The following ATAD1 variants were observed in gnomAD, a reference collection of about 807,000 sequenced individuals.
ATAD1 encodes ATPase family AAA domain containing 1.
ATAD1 carries 18 observed loss-of-function variants against 42.7 expected under a neutral mutation model. The ratio of observed to expected loss-of-function variants is 0.42; its 90% CI spans 0.29 to 0.63. The LOEUF is 0.63. Ranked by LOEUF, ATAD1 falls within the 20% of genes least tolerant of loss-of-function variation. The pLI is 0.19. For missense variants in ATAD1, 294 were observed against 440.4 expected (o/e 0.67, Z 2.98); for synonymous variants, 132 against 143.1 (o/e 0.92, Z 0.55).
intron 1 of ATAD1, among the ~76,000 whole-genome samples, chr10:87,834,958 ATGT>A (rs1344198690): frequency 1.3e-5 from 2 of 151,818 alleles, no homozygotes; most frequent in Non-Finnish European, 2.9e-5. Flanking sequence ...AAATTTTCAT[ATGT>A]TGTGTTTTCA....
intron 1 of ATAD1, among the ~76,000 whole-genome samples, chr10:87,826,631 C>G (rs1857735299): frequency 6.6e-6 from 1 of 152,228 alleles, no homozygotes; most frequent in South Asian, 2.1e-4. Flanking sequence ...TTCCACATTA[C>G]AGTCCCTCCA....
intron 5 of ATAD1, among the ~76,000 whole-genome samples, chr10:87,779,003 A>C (rs1022895723): frequency 3.9e-5 from 6 of 152,198 alleles, no homozygotes; most frequent in Non-Finnish European, 5.9e-5. Context: ...ATCCATCAAA[A>C]ATAAATGTGT....
At chr10:87,825,463 C>T (rs1243440616) in intron 1 of ATAD1, among the ~76,000 whole-genome samples, 7 of 152,018 alleles carry the variant, frequency 4.6e-5, no homozygotes, top group African/African-American at 1.7e-4. Context: ...GCGCCCGCCA[C>T]CACACCCGGC....
chr10:87,800,178 T>A (rs536881804), intron 2 of ATAD1, among the ~76,000 whole-genome samples: 5 of 152,036 alleles, frequency 3.3e-5, no homozygotes, highest in Non-Finnish European at 7.4e-5. Context: ...GTAAAAAAAA[T>A]TATGTCTATA....
At chr10:87,761,523 T>C (rs1324971359) in intron 8 of ATAD1, among the ~76,000 whole-genome samples, 1 of 151,836 alleles carries the variant, frequency 6.6e-6, no homozygotes, top group East Asian at 1.9e-4. Flanking sequence ...ATTCGCTGGG[T>C]GTGGTGCATG....
At chr10:87,779,705 A>G (rs2131857578) in intron 5 of ATAD1, among the ~76,000 whole-genome samples, 1 of 152,380 alleles carries the variant, frequency 6.6e-6, no homozygotes, top group East Asian at 1.9e-4. Context: ...ATGACAAATA[A>G]GCACATGAAA....
rs1173014561 is a variant in ATAD1, at chr10:87,753,928, T to G, written c.*759A>C. The G allele has an allele frequency of 2.6e-5, 4 of 152,422 alleles. No individual in the cohort carries two copies. The highest frequency in any genetic ancestry group is 9.6e-5 in the African/African-American group (4 of 41,462). The allele number at this position is 152,422 out of a possible 1,614,324, so 9.4% of individuals were successfully genotyped here. A position where few individuals can be genotyped will look rare whatever the true frequency, so the allele number is the denominator to read the frequency against. On this transcript the variant is annotated 3_prime_UTR_variant, in exon 10 of 10. Transcript: ENST00000680024. ...TAAACCAATTTAAATTTAAAAAGTT[T>G]ATACTCAAGAGGTGAAATCAGTGTT...
At chr10:87,809,641 T>TTTTA (rs144658707) in intron 2 of ATAD1, among the ~76,000 whole-genome samples, 1,606 of 150,342 alleles carry the variant, frequency 0.011, 16 homozygotes, top group African/African-American at 0.031. Flanking sequence ...TATTTATTAA[T>TTTTA]TTTATTTATT....
At chr10:87,821,160 T>C (rs3816651), upstream of ATAD1, among the ~76,000 whole-genome samples, 45,264 of 151,906 alleles carry the variant, frequency 0.3, 6,959 homozygotes, top group Middle Eastern at 0.31. Context: ...TGTTATTAAA[T>C]GGAGTGTAGC....
At chr10:87,823,175 C>T (rs1367193468), upstream of ATAD1, among the ~76,000 whole-genome samples, 1 of 150,682 alleles carries the variant, frequency 6.6e-6, no homozygotes, top group East Asian at 1.9e-4. Context: ...TTAAACTTTA[C>T]ACATAATTTT....
intron 7 of ATAD1, 65 bp downstream of exon 7, chr10:87,770,887 T>C: frequency 7.1e-7 from 1 of 1,415,810 alleles, no homozygotes; most frequent in South Asian, 1.2e-5. Context: ...TTCTTAAAAT[T>C]AAAGGTGAAG....
Position 87,758,747 on chromosome 10 carries a change from TA to T in ATAD1, c.832-1826del, listed in dbSNP as rs1262055782. On this transcript the variant is annotated intron_variant, in intron 8 of 9. Coordinates refer to ENST00000680024, the MANE Select transcript of ATAD1 (RefSeq NM_001321967.2). Reference sequence around the variant, plus strand: ...TAATTGAGAAGTCATTATATAATGATAAAAAAAAATTCACCAGAAAAATACA... The same window carrying T: ...TAATTGAGAAGTCATTATATAATGATAAAAAAAATTCACCAGAAAAATACA... 4.0e-5 allele frequency among the ~76,000 whole-genome samples: 6 copies of T among 151,706 alleles called. No individual in the cohort carries two copies. In the East Asian group the frequency reaches 5.8e-4, roughly 15 times the overall value.
chr10:87,826,184 A>C (rs1857726103), intron 1 of ATAD1, among the ~76,000 whole-genome samples: 1 of 152,208 alleles, frequency 6.6e-6, no homozygotes, highest in South Asian at 2.1e-4. Context: ...ACAAAGGGGA[A>C]AAAGAAAGCA....
upstream of ATAD1, among the ~76,000 whole-genome samples, chr10:87,822,404 T>G (rs1029773111): frequency 1.3e-5 from 2 of 152,050 alleles, no homozygotes; most frequent in Non-Finnish European, 2.9e-5. Flanking sequence ...TACTTGAAGC[T>G]CCAATAGAAA....
chr10:87,809,531 T>TA lies in ATAD1; in HGVS notation c.162+4906dup, dbSNP rs35154376. ...CGGGCACACTCAATTGAACTTTCATTAAAAAAAAAAAAATCTGCTTATGAG... is the reference window on the plus strand; with the variant it reads ...CGGGCACACTCAATTGAACTTTCATTAAAAAAAAAAAAAATCTGCTTATGAG... On this transcript the variant is annotated intron_variant, in intron 2 of 9. Coordinates refer to ENST00000680024, the MANE Select transcript of ATAD1 (RefSeq NM_001321967.2). Among the ~76,000 whole-genome samples the TA allele has an allele frequency of 8.0e-4, 118 of 146,934 alleles. 1 individual carries two copies. The highest frequency in any genetic ancestry group is 4.9e-3 in the South Asian group (23 of 4,666).
chr10:87,758,269 G>T lies in ATAD1; in HGVS notation c.832-1347C>A, dbSNP rs371561610. ...TTATGTATGTATGTCAAAATACATA[G>T]GTACCACTAAAGGATAGAAAGGGTA... is the stretch of plus-strand genomic sequence containing the variant. On this transcript the variant is annotated intron_variant, in intron 8 of 9. Coordinates refer to ENST00000680024, the MANE Select transcript of ATAD1 (RefSeq NM_001321967.2). Among the ~76,000 whole-genome samples the T allele has an allele frequency of 3.9e-5, 6 of 152,044 alleles. No individual in the cohort carries two copies. In the East Asian group the frequency reaches 1.2e-3, roughly 29 times the overall value.
chr10:87,773,759 C>T (rs1306581826), intron 6 of ATAD1, among the ~76,000 whole-genome samples: 1 of 152,126 alleles, frequency 6.6e-6, no homozygotes, highest in African/African-American at 2.4e-5. Flanking sequence ...CATCCAATTG[C>T]CTCTATATCC....
intron 2 of ATAD1, among the ~76,000 whole-genome samples, chr10:87,797,352 C>T (rs571807336): frequency 2.0e-4 from 30 of 152,230 alleles, no homozygotes; most frequent in East Asian, 3.9e-4. Flanking sequence ...AAAATCCATG[C>T]GCTTGGTTTC....
At chr10:87,832,634 T>C (rs1857853561) in intron 1 of ATAD1, among the ~76,000 whole-genome samples, 1 of 152,056 alleles carries the variant, frequency 6.6e-6, no homozygotes, top group African/African-American at 2.4e-5. Flanking sequence ...AGAATAAACT[T>C]GCTATATTTA....
Sources: allele counts gnomAD v4.1 joint callset (sites outside exome capture counted in the v4.1 genomes callset), GRCh38; gene constraint gnomAD v4.1.1; transcripts MANE v1.5; gene names NCBI Gene and HGNC (gene_info 2026-07-23, HGNC 2026-07-21).